Variants in REV3L observed in about 807,000 individuals in gnomAD.
The protein encoded by REV3L is REV3 like, DNA directed polymerase zeta catalytic subunit.
Under a neutral mutation model 299.4 loss-of-function variants are expected in REV3L, and 69 were observed. That is an observed-to-expected ratio of 0.23 (90% CI 0.19 to 0.28). The LOEUF is 0.28. Ranked by LOEUF, REV3L falls within the 10% of genes least tolerant of loss-of-function variation. REV3L has a pLI of 1.00. For synonymous variants in REV3L, 1,238 were observed against 1,271.4 expected (o/e 0.97, Z 0.56); for missense variants, 3,128 against 3,693.8 (o/e 0.85, Z 3.97).
intron 21 of REV3L, among the ~76,000 whole-genome samples, chr6:111,337,407 T>C (rs931333863): frequency 6.6e-6 from 1 of 152,186 alleles, no homozygotes; most frequent in Admixed American, 6.5e-5. Context: ...TTTGTAGCTA[T>C]CGAGCGTGCT....
intron 4 of REV3L, among the ~76,000 whole-genome samples, chr6:111,398,627 C>CCATTAA (rs60807009): frequency 0.67 from 101,051 of 151,196 alleles, 36,018 homozygotes; most frequent in Non-Finnish European, 0.81. Flanking sequence ...AAGTAAAACT[C>CCATTAA]CATGTATTAT....
chr6:111,367,058 C>A lies in REV3L; in HGVS notation c.6673+57G>T. The A allele has an allele frequency of 2.9e-6, 4 of 1,361,706 alleles. No homozygotes were observed. In the South Asian group the frequency reaches 4.5e-5, roughly 15 times the overall value. The allele number at this position is 1,361,706 out of a possible 1,614,324, so 84.4% of individuals were successfully genotyped here. On this transcript the variant is annotated intron_variant, in intron 14 of 31. Transcript: ENST00000368802. ...GATTTTCATTACAGTCTAATGTTAT[C>A]TTCATTTCTATTTCTGAAGAACAAT...
At chr6:111,454,146 T>C (rs2128319267) in intron 1 of REV3L, among the ~76,000 whole-genome samples, 1 of 152,020 alleles carries the variant, frequency 6.6e-6, no homozygotes, top group Admixed American at 6.5e-5. Flanking sequence ...TCTCACTATG[T>C]TGTCCAGGCG....
chr6:111,430,642 CGAGAA>C, intron 1 of REV3L: 2 of 1,523,330 alleles, frequency 1.3e-6, no homozygotes, highest in Non-Finnish European at 1.8e-6. Flanking sequence ...GGCTGCTGGC[CGAGAA>C]GAGAGAGGAC....
chr6:111,421,906 T>C (rs1208826778), intron 1 of REV3L, among the ~76,000 whole-genome samples: 1 of 152,220 alleles, frequency 6.6e-6, no homozygotes, highest in African/African-American at 2.4e-5. Flanking sequence ...CAGTCTTTCT[T>C]TGCTTCTGTC....
rs1317844262 is a variant in REV3L, at chr6:111,390,163, C to T, written c.680G>A (p.Gly227Asp). 6.2e-7 allele frequency: 1 copy of T among 1,600,016 alleles called. No homozygotes were observed. The highest frequency in any genetic ancestry group is 1.3e-5 in the African/African-American group (1 of 74,640). Residue 227 changes from glycine (G) to aspartate (D), a missense_variant, in exon 6 of 32, where the codon GGT becomes GAT. Coordinates refer to ENST00000368802, the MANE Select transcript of REV3L (RefSeq NM_001372078.1). ...DEIPSSLILEGVEPQSTCELE... is the reference protein window; with the variant it reads ...DEIPSSLILEDVEPQSTCELE... ...TTCACATGTACTCTGTGGTTCAACA[C>T]CTTCCAATATTAAAGAGCTGCAATT...
chr6:111,319,931 G>A (rs561817541), intron 26 of REV3L, among the ~76,000 whole-genome samples: 1 of 151,740 alleles, frequency 6.6e-6, no homozygotes, highest in African/African-American at 2.4e-5. Flanking sequence ...CTGCGTTCAA[G>A]TGATTCTCCT....
At chr6:111,426,430 G>A (rs9481150) in intron 1 of REV3L, among the ~76,000 whole-genome samples, 5,603 of 152,184 alleles carry the variant, frequency 0.037, 360 homozygotes, top group African/African-American at 0.13. Flanking sequence ...CCCCTTTATG[G>A]AACGGAACTA....
At chr6:111,379,900 G>C in intron 11 of REV3L, 82 bp downstream of exon 11, 2 of 868,480 alleles carry the variant, frequency 2.3e-6, no homozygotes, top group South Asian at 1.6e-5. Context: ...TTTATATCAT[G>C]AACAATAGTA....
intron 4 of REV3L, among the ~76,000 whole-genome samples, chr6:111,394,112 C>A (rs1782224656): frequency 6.6e-6 from 1 of 152,100 alleles, no homozygotes. Context: ...GGTTATCTAT[C>A]TTTGATATAT....
At chr6:111,309,301 T>C (rs1772690539) in intron 30 of REV3L, 1 of 152,268 alleles carries the variant, frequency 6.6e-6, no homozygotes, top group Non-Finnish European at 1.5e-5. Flanking sequence ...GAAGTAGCTC[T>C]CATCTGATGG....
In REV3L at chr6:111,377,844, C is replaced by A; in HGVS notation, c.1455-1G>T. ...TCTGTGGGTATTTCTGCACAGTGAT[C>A]TGGAGAACATTAAAATTCACTGGTG... On this transcript the variant is annotated splice_acceptor_variant, in intron 11 of 31. Transcript: ENST00000368802. LOFTEE classifies it high-confidence loss of function. 6.2e-7 allele frequency: 1 copy of A among 1,605,454 alleles called. No individual in the cohort carries two copies. Among genetic ancestry groups the A allele is most frequent in the Non-Finnish European group, 8.5e-7 (1 of 1,177,096 alleles).
chr6:111,430,793 G>C, intron 1 of REV3L: 1 of 1,608,108 alleles, frequency 6.2e-7, no homozygotes, highest in Non-Finnish European at 8.5e-7. Context: ...CATCGTGAAG[G>C]AATCTGGAGG....
chr6:111,430,885 C>A, intron 1 of REV3L: 1 of 1,604,378 alleles, frequency 6.2e-7, no homozygotes, highest in Non-Finnish European at 8.5e-7. Context: ...TGGGACTTCT[C>A]CATCCTGTGG....
At chr6:111,380,612 A>G (rs914306972) in intron 10 of REV3L, among the ~76,000 whole-genome samples, 1 of 152,214 alleles carries the variant, frequency 6.6e-6, no homozygotes, top group Admixed American at 6.5e-5. Context: ...TAACAACATC[A>G]TAGATACTGG....
intron 27 of REV3L, among the ~76,000 whole-genome samples, 176 bp downstream of exon 27, chr6:111,315,091 C>T (rs1312731436): frequency 6.6e-6 from 1 of 152,032 alleles, no homozygotes; most frequent in Non-Finnish European, 1.5e-5. Flanking sequence ...CTCAAGCAAC[C>T]CTCCTGCTTT....
At chr6:111,423,562 C>T (rs1785818578) in intron 1 of REV3L, among the ~76,000 whole-genome samples, 1 of 151,864 alleles carries the variant, frequency 6.6e-6, no homozygotes, top group African/African-American at 2.4e-5. Context: ...GAGAGAAAGT[C>T]TGTGTTTTTG....
At chr6:111,442,535 T>C (rs1195764066) in intron 1 of REV3L, among the ~76,000 whole-genome samples, 1 of 152,232 alleles carries the variant, frequency 6.6e-6, no homozygotes, top group Admixed American at 6.5e-5. Flanking sequence ...ATATTAAGTA[T>C]GATTCTTATG....
At chr6:111,430,889 C>T in intron 1 of REV3L, 1 of 1,604,212 alleles carries the variant, frequency 6.2e-7, no homozygotes, top group East Asian at 2.2e-5. Context: ...ACTTCTCCAT[C>T]CTGTGGATCT....
Sources: allele counts gnomAD v4.1 joint callset (sites outside exome capture counted in the v4.1 genomes callset), GRCh38; gene constraint gnomAD v4.1.1; transcripts MANE v1.5; gene names NCBI Gene and HGNC (gene_info 2026-07-23, HGNC 2026-07-21).